Variants in ASTN2 observed in about 807,000 individuals in gnomAD.
ASTN2 encodes the protein astrotactin-2.
In ASTN2, 54 loss-of-function variants were observed where a neutral mutation model predicts 139.8. The observed-to-expected ratio is 0.39, with a 90% CI of 0.31 to 0.48. ASTN2 has a LOEUF of 0.48. Ranked by LOEUF, ASTN2 falls within the 20% of genes least tolerant of loss-of-function variation. The probability of loss-of-function intolerance (pLI) is 0.95; values close to 1 mark genes in which losing one functional copy is unlikely to be tolerated. For synonymous variants in ASTN2, 756 were observed against 719.5 expected, an observed-to-expected ratio of 1.05 and a Z score of -0.81; for missense variants, 1,565 against 1,725.1, an observed-to-expected ratio of 0.91 and a Z score of 1.64.
intron 7 of ASTN2, among the ~76,000 whole-genome samples, chr9:116,978,582 G>T (rs1002118273): frequency 6.6e-6 from 1 of 151,214 alleles, no homozygotes; most frequent in Non-Finnish European, 1.5e-5. Flanking sequence ...GGACCCAAAA[G>T]TTTTCAAATC....
rs549112995 is a variant in ASTN2 at position 117,382,782 on chromosome 9, C to T, written c.442+31715G>A. ...GAGAGGCAGTGGTGGGGAAAGTGAA[C>T]CCTATTTGCCATTCCTGCTGTACGA... On this transcript the variant is annotated intron_variant, in intron 1 of 22. Coordinates refer to ENST00000313400, the MANE Select transcript of ASTN2 (RefSeq NM_001365068.1). Among the ~76,000 whole-genome samples, 11 of 152,198 alleles carry T rather than the reference C, an allele frequency of 7.2e-5. No individual in the cohort carries two copies. The South Asian group carries it at 1.2e-3, about 17-fold the overall frequency.
At chr9:116,791,126 A>G (rs1369291114) in intron 13 of ASTN2, among the ~76,000 whole-genome samples, 2 of 152,192 alleles carry the variant, frequency 1.3e-5, no homozygotes, top group African/African-American at 4.8e-5. Context: ...AAGTGCTGGG[A>G]TTACAGGCGT....
At position 117,008,025 on chromosome 9, in the gene ASTN2, G is replaced by A. The variant is rs531235674; in HGVS notation, c.1591+67C>T. The A allele has an allele frequency of 1.1e-4, 160 of 1,454,550 alleles. No homozygotes were observed. In the South Asian group the frequency reaches 2.3e-3, roughly 21 times the overall value. The allele number at this position is 1,454,550 out of a possible 1,614,324, so 90.1% of individuals were successfully genotyped here. A position where few individuals can be genotyped will look rare whatever the true frequency, so the allele number is the denominator to read the frequency against. On this transcript the variant is annotated intron_variant, in intron 7 of 22. Transcript: ENST00000313400. ...GAATCCATGGTTCTTTAGGTAGAGGGAGCACAATGCCTCTTTCAACCCAGC... is the reference window on the plus strand; with the variant it reads ...GAATCCATGGTTCTTTAGGTAGAGGAAGCACAATGCCTCTTTCAACCCAGC...
At chr9:116,908,678 T>A (rs1381206010) in intron 10 of ASTN2, among the ~76,000 whole-genome samples, 1 of 152,214 alleles carries the variant, frequency 6.6e-6, no homozygotes, top group Non-Finnish European at 1.5e-5. Context: ...GGGTGAGAAT[T>A]AGCCCACATT....
Position 117,141,306 on chromosome 9 carries a change from G to C in ASTN2, c.1168+20C>G. 7.3e-7 allele frequency: 1 copy of C among 1,365,966 alleles called. No individual in the cohort carries two copies. The highest frequency in any genetic ancestry group is 9.8e-7 in the Non-Finnish European group (1 of 1,020,904). 84.6% of individuals were successfully genotyped at this position (1,365,966 alleles called of 1,614,324 possible). A position where few individuals can be genotyped will look rare whatever the true frequency, so the allele number is the denominator to read the frequency against. On this transcript the variant is annotated intron_variant, in intron 4 of 22. Transcript: ENST00000313400. ...GGACAACCTTCTGACTTCCTGGCCA[G>C]ATGTGCCAGGAGGGCCTACCTCGAG...
At chr9:117,115,149 C>T (rs1035229445) in intron 4 of ASTN2, among the ~76,000 whole-genome samples, 2 of 152,124 alleles carry the variant, frequency 1.3e-5, no homozygotes, top group African/African-American at 4.8e-5. Context: ...CAATCATCAC[C>T]ATTAACAGTG....
At chr9:117,096,815 T>C (rs1230953930) in intron 4 of ASTN2, among the ~76,000 whole-genome samples, 1 of 151,968 alleles carries the variant, frequency 6.6e-6, no homozygotes, top group Admixed American at 6.6e-5. Context: ...TTAAGTCAGG[T>C]CTTGAAGGAT....
rs7865782 is a variant in ASTN2, at chr9:117,353,831, T to C, written c.442+60666A>G. Among the ~76,000 whole-genome samples the C allele has an allele frequency of 3.8e-3, 574 of 152,154 alleles. 2 individuals are homozygous for C. Among genetic ancestry groups the C allele is most frequent in the African/African-American group, 0.013 (553 of 41,516 alleles). Reference sequence around the variant, plus strand: ...GCCACACACTCTATGCATCCAACTATGTGACATTCTGGAAAAAAGAAAACC... The same window carrying C: ...GCCACACACTCTATGCATCCAACTACGTGACATTCTGGAAAAAAGAAAACC... On this transcript the variant is annotated intron_variant, in intron 1 of 22. Transcript: ENST00000313400.
chr9:116,557,245 A>AAAAAG (rs1564114184), intron 19 of ASTN2, among the ~76,000 whole-genome samples: 7 of 151,192 alleles, frequency 4.6e-5, no homozygotes, highest in Non-Finnish European at 1.0e-4. Flanking sequence ...AAAAAAAAAA[A>AAAAAG]AAAAGAAAAG....
At chr9:116,921,658 C>T (rs990930697) in intron 10 of ASTN2, among the ~76,000 whole-genome samples, 1 of 150,200 alleles carries the variant, frequency 6.7e-6, no homozygotes, top group Admixed American at 6.6e-5. Flanking sequence ...AATTGACTTA[C>T]AGTTCTGCAT....
At chr9:117,306,497 C>A (rs144427754) in intron 1 of ASTN2, among the ~76,000 whole-genome samples, 8 of 152,128 alleles carry the variant, frequency 5.3e-5, no homozygotes, top group African/African-American at 1.9e-4. Flanking sequence ...ACCCGGGGAA[C>A]GCACTTCCCT....
intron 2 of ASTN2, among the ~76,000 whole-genome samples, chr9:117,267,388 C>T (rs572406787): frequency 6.6e-6 from 1 of 152,232 alleles, no homozygotes; most frequent in Admixed American, 6.5e-5. Flanking sequence ...ACCCTGGGAT[C>T]ACTTGGTTTA....
Position 116,620,359 on chromosome 9 carries a change from C to T in ASTN2, c.3157G>A (p.Ala1053Thr), listed in dbSNP as rs777472094. The change falls in exon 18 of 23, where the codon GCC (alanine) becomes ACC (threonine). Residue 1053 changes from alanine (A) to threonine (T), a missense_variant. By Grantham distance (58) the Ala-to-Thr change is moderately conservative (BLOSUM62 0). Around this residue, in one of 4 missense-constraint regions of ASTN2, gnomAD observed 418 missense variants for 465.8 expected, o/e 0.90. Transcript: ENST00000313400. ...IDDWCRCDLS[A>T]FDANGLPNCS... ...TTGGGGAGCCCATTGGCATCAAAGG[C>T]GCTGAGGTCACACCTGCACCAGTCA... 51 of 1,614,010 alleles carry T rather than the reference C, an allele frequency of 3.2e-5. No individual in the cohort carries two copies. Among genetic ancestry groups the T allele is most frequent in the African/African-American group, 9.3e-5 (7 of 74,896 alleles).
At chr9:117,393,464 A>C (rs1345295453) in intron 1 of ASTN2, among the ~76,000 whole-genome samples, 1 of 152,146 alleles carries the variant, frequency 6.6e-6, no homozygotes, top group Admixed American at 6.5e-5. Context: ...AAAAGAGAAG[A>C]AATTTAAAAA....
chr9:116,612,777 G>C (rs1411089911), intron 19 of ASTN2: 1 of 151,450 alleles, frequency 6.6e-6, no homozygotes, highest in Non-Finnish European at 1.5e-5. Flanking sequence ...AGAAAGATCT[G>C]AAACTGACAC....
chr9:117,058,579 C>G (rs1839137202), intron 5 of ASTN2, among the ~76,000 whole-genome samples: 1 of 152,176 alleles, frequency 6.6e-6, no homozygotes, highest in African/African-American at 2.4e-5. Context: ...ATATCTGACC[C>G]CAAGGTATAG....
At chr9:116,803,104 T>A (rs1830911651) in intron 13 of ASTN2, among the ~76,000 whole-genome samples, 1 of 152,180 alleles carries the variant, frequency 6.6e-6, no homozygotes, top group African/African-American at 2.4e-5. Context: ...TCTTGCAAGC[T>A]TTTAAATTTC....
intron 10 of ASTN2, among the ~76,000 whole-genome samples, chr9:116,972,544 C>T (rs7033335): frequency 0.057 from 8,719 of 152,122 alleles, 391 homozygotes; most frequent in African/African-American, 0.13. Context: ...TATATACCTC[C>T]AACTTTAGTA....
At chr9:116,856,409 T>C (rs1204160882) in intron 11 of ASTN2, among the ~76,000 whole-genome samples, 1 of 152,238 alleles carries the variant, frequency 6.6e-6, no homozygotes, top group Non-Finnish European at 1.5e-5. Context: ...TGGTCAGCAG[T>C]GCCTGGGCTG....
Sources: allele counts gnomAD v4.1 joint callset (sites outside exome capture counted in the v4.1 genomes callset), GRCh38; gene constraint gnomAD v4.1.1; regional missense constraint gnomAD v4.1.1; transcripts MANE v1.5; gene names NCBI Gene and HGNC (gene_info 2026-07-23, HGNC 2026-07-21).